Variants in URB1 observed in about 807,000 individuals in gnomAD.
URB1 encodes the protein nucleolar pre-ribosomal-associated protein 1.
In URB1, 197 loss-of-function variants were observed where a neutral mutation model predicts 242.3. The ratio of observed to expected loss-of-function variants is 0.81; its 90% CI spans 0.72 to 0.91. URB1 has a LOEUF of 0.91. URB1 is among the 40% of genes least tolerant of loss of function. The probability of loss-of-function intolerance (pLI) is 0.00; values close to 1 mark genes in which losing one functional copy is unlikely to be tolerated. For missense variants in URB1, 2,721 were observed against 2,860.5 expected (o/e 0.95, Z 1.11); for synonymous variants, 1,153 against 1,201.8 (o/e 0.96, Z 0.84).
chr21:32,370,778 T>C (rs554838567), intron 8 of URB1, among the ~76,000 whole-genome samples: 10 of 152,208 alleles, frequency 6.6e-5, no homozygotes, highest in Non-Finnish European at 1.5e-4. Context: ...TATGGATGCT[T>C]TGCTGGCACA....
intron 21 of URB1, 90 bp downstream of exon 21, chr21:32,349,214 A>G (rs757318956): frequency 7.1e-7 from 1 of 1,413,862 alleles, no homozygotes; most frequent in Non-Finnish European, 9.3e-7. Flanking sequence ...TTTTCCCACA[A>G]TGGACCTATG....
intron 25 of URB1, among the ~76,000 whole-genome samples, chr21:32,340,383 A>T (rs2033015312): frequency 1.3e-5 from 2 of 152,182 alleles, no homozygotes; most frequent in Admixed American, 6.5e-5. Flanking sequence ...AGGCCGAGGC[A>T]GGTGGATTAC....
chr21:32,322,663 A>G, intron 32 of URB1, 79 bp from the exon 33 acceptor site: 2 of 1,012,070 alleles, frequency 2.0e-6, no homozygotes, highest in South Asian at 2.7e-5. Flanking sequence ...AGAGGCAGGC[A>G]TTCTGGGTAT....
At chr21:32,372,475 A>G in intron 8 of URB1, 32 bp downstream of exon 8, 2 of 1,546,332 alleles carry the variant, frequency 1.3e-6, no homozygotes, top group Non-Finnish European at 1.7e-6. Flanking sequence ...GAACATACAC[A>G]CCCTGGGGTC....
intron 11 of URB1, among the ~76,000 whole-genome samples, chr21:32,362,758 T>A (rs1004516930): frequency 6.6e-6 from 1 of 152,096 alleles, no homozygotes. Context: ...AGCCACTGCA[T>A]CCCTTCTCAC....
intron 28 of URB1, among the ~76,000 whole-genome samples, chr21:32,334,654 C>T (rs1018834539): frequency 5.3e-5 from 8 of 152,272 alleles, no homozygotes; most frequent in African/African-American, 1.7e-4. Context: ...TATTATTATA[C>T]CCCTTGTGCA....
intron 30 of URB1, among the ~76,000 whole-genome samples, chr21:32,332,288 C>T (rs369095247): frequency 1.3e-5 from 2 of 151,302 alleles, no homozygotes; most frequent in African/African-American, 4.9e-5. Context: ...GAGCATGATC[C>T]GTAAAAGGAA....
chr21:32,314,717 C>A lies in URB1; in HGVS notation c.*201G>T. ...CATTCCTTGCAACTCTGATGCTGGG[C>A]ACCTACAGGCCCGAGTTTATCATTT... On this transcript the variant is annotated 3_prime_UTR_variant, in exon 39 of 39. Transcript: ENST00000382751. The A allele has an allele frequency of 6.5e-7, 1 of 1,530,444 alleles. No homozygotes were observed. The highest frequency in any genetic ancestry group is 9.0e-7 in the Non-Finnish European group (1 of 1,105,512). The allele number at this position is 1,530,444 out of a possible 1,614,324, so 94.8% of individuals were successfully genotyped here. A position where few individuals can be genotyped will look rare whatever the true frequency, so the allele number is the denominator to read the frequency against.
chr21:32,337,367 T>TC lies in URB1; in HGVS notation c.4621+36dup, dbSNP rs1218535623. 1.1e-5 allele frequency: 17 copies of TC among 1,498,522 alleles called. No homozygotes were observed. The East Asian group carries it at 3.2e-4, about 28-fold the overall frequency. The allele number at this position is 1,498,522 out of a possible 1,614,324, so 92.8% of individuals were successfully genotyped here. On this transcript the variant is annotated intron_variant, in intron 27 of 38. Coordinates refer to ENST00000382751, the MANE Select transcript of URB1 (RefSeq NM_014825.3). ...GCTCACACCCCCGGCCCTCACTCCC[T>TC]CCCCCTGCTCACACTACCCAGCCCT...
In URB1 at chr21:32,338,673, G is replaced by C. The variant is rs1310550982; in HGVS notation, c.4510+34C>G. 3 of 1,549,274 alleles carry C rather than the reference G, an allele frequency of 1.9e-6. No homozygotes were observed. The African/African-American group carries it at 4.1e-5, about 21-fold the overall frequency. On this transcript the variant is annotated intron_variant, in intron 26 of 38. Transcript: ENST00000382751. ...TAAGGAAATCAGGAGATAAAATCTGGATACGGAATGGAAGGGCTGGGGTGA... is the reference window on the plus strand; with the variant it reads ...TAAGGAAATCAGGAGATAAAATCTGCATACGGAATGGAAGGGCTGGGGTGA...
chr21:32,368,285 C>T (rs1460712972), intron 9 of URB1, 118 bp downstream of exon 9: 16 of 914,538 alleles, frequency 1.7e-5, no homozygotes, highest in Admixed American at 3.3e-5. Context: ...CCAGGCTGGT[C>T]TCAAACTCCT....
intron 14 of URB1, among the ~76,000 whole-genome samples, chr21:32,358,715 C>T (rs1601144110): frequency 6.6e-6 from 1 of 152,268 alleles, no homozygotes; most frequent in Middle Eastern, 3.4e-3. Context: ...ATCCCATGAG[C>T]CTAGTTGAGC....
chr21:32,324,583 A>G lies in URB1; in HGVS notation c.5141T>C (p.Val1714Ala), dbSNP rs1388764072. The change falls in exon 32 of 39, where the codon GTA (valine) becomes GCA (alanine). Residue 1714 changes from valine (V) to alanine (A), a missense_variant. Coordinates refer to ENST00000382751, the MANE Select transcript of URB1 (RefSeq NM_014825.3). ...CTGAGTTCGAATCCCATTCCGGACT[A>G]CATCCAACAGGTAAAGTAGCTTGAA... ...EQSQLLYLLD[V>A]VRNGIRTQDM... is the part of the protein sequence containing the mutation. 1.9e-6 allele frequency: 3 copies of G among 1,551,658 alleles called. No individual in the cohort carries two copies. Among genetic ancestry groups the G allele is most frequent in the Non-Finnish European group, 2.6e-6 (3 of 1,146,870 alleles).
At chr21:32,346,363 C>T (rs767350143) in intron 22 of URB1, among the ~76,000 whole-genome samples, 5 of 152,232 alleles carry the variant, frequency 3.3e-5, no homozygotes, top group South Asian at 2.1e-4. Context: ...GACTAGAAGA[C>T]TTGCAGGGCA....
intron 1 of URB1, among the ~76,000 whole-genome samples, chr21:32,389,454 C>T (rs376006527): frequency 2.3e-4 from 35 of 152,298 alleles, no homozygotes; most frequent in African/African-American, 7.9e-4. Context: ...GCACGGGCTG[C>T]AGGGAAGCAA....
rs2032966292 is a variant in URB1, at chr21:32,336,962, G to T, written c.4685+132C>A. On this transcript the variant is annotated intron_variant, in intron 28 of 38. Transcript: ENST00000382751. ...CCTATGCAGAAGCCAGTGTGAGTCAGGGGAGTGCTGCCTGCCTCACTCTTT... is the reference window on the plus strand; with the variant it reads ...CCTATGCAGAAGCCAGTGTGAGTCATGGGAGTGCTGCCTGCCTCACTCTTT... 7 of 885,478 alleles carry T rather than the reference G, an allele frequency of 7.9e-6. No individual in the cohort carries two copies. The South Asian group carries it at 9.5e-5, about 12-fold the overall frequency. The allele number at this position is 885,478 out of a possible 1,614,324, so 54.9% of individuals were successfully genotyped here. A position where few individuals can be genotyped will look rare whatever the true frequency, so the allele number is the denominator to read the frequency against.
Position 32,390,452 on chromosome 21 carries a change from G to A in URB1, c.142+2317C>T, listed in dbSNP as rs1436879800. On this transcript the variant is annotated intron_variant, in intron 1 of 38. Coordinates refer to ENST00000382751, the MANE Select transcript of URB1 (RefSeq NM_014825.3). ...TGAGAAGTGTCTGTTCATATCCTTT[G>A]CCCACTTTTTGATGGGGTTTTTTTT... 2.7e-5 allele frequency among the ~76,000 whole-genome samples: 4 copies of A among 148,602 alleles called. No homozygotes were observed. The Middle Eastern group carries it at 0.011, about 395-fold the overall frequency.
At chr21:32,334,035 C>G in intron 29 of URB1, 128 bp downstream of exon 29, 1 of 1,233,400 alleles carries the variant, frequency 8.1e-7, no homozygotes, top group Admixed American at 2.9e-5. Flanking sequence ...GTCTCTATAC[C>G]TTTATATATG....
chr21:32,355,628 A>G (rs1321824621), intron 15 of URB1, 63 bp from the exon 16 acceptor site: 9 of 1,307,966 alleles, frequency 6.9e-6, no homozygotes, highest in Non-Finnish European at 9.7e-6. Context: ...CTTTTCTTTG[A>G]GACAGGGCCT....
Sources: allele counts gnomAD v4.1 joint callset (sites outside exome capture counted in the v4.1 genomes callset), GRCh38; gene constraint gnomAD v4.1.1; transcripts MANE v1.5; gene names NCBI Gene and HGNC (gene_info 2026-07-23, HGNC 2026-07-21).